The following CSMD2 variants were observed in gnomAD, a reference collection of about 807,000 sequenced individuals.
CSMD2 encodes CUB and Sushi multiple domains 2, also known as CUB and sushi domain-containing protein 2.
In CSMD2, 130 loss-of-function variants were observed where a neutral mutation model predicts 398.5. The ratio of observed to expected loss-of-function variants is 0.33; its 90% CI spans 0.28 to 0.38. The LOEUF is 0.38. Among genes scored for constraint, CSMD2 ranks in the 10% least tolerant of loss-of-function variants. The pLI, the probability that CSMD2 is intolerant of heterozygous loss-of-function variation, is 1.00. For missense variants in CSMD2, 3,829 were observed against 4,764.9 expected (o/e 0.80, Z 5.78); for synonymous variants, 1,828 against 1,908.5 (o/e 0.96, Z 1.10).
chr1:33,861,288 A>T (rs1639480106), intron 5 of CSMD2: 1 of 152,212 alleles, frequency 6.6e-6, no homozygotes, highest in African/African-American at 2.4e-5. Flanking sequence ...CTTGCAGCCT[A>T]TTTTTTAAAA....
At chr1:33,605,622 T>C in intron 41 of CSMD2, 152 bp from the exon 42 acceptor site, 1 of 828,340 alleles carries the variant, frequency 1.2e-6, no homozygotes, top group South Asian at 1.8e-5. Flanking sequence ...TTAACTTGTG[T>C]ACGCCTCAGT....
chr1:33,931,923 G>T (rs1644325701), intron 4 of CSMD2, among the ~76,000 whole-genome samples: 1 of 152,214 alleles, frequency 6.6e-6, no homozygotes, highest in South Asian at 2.1e-4. Flanking sequence ...CCTACAGAGG[G>T]TCAACCTTCA....
chr1:34,155,131 T>A (rs188476656), intron 1 of CSMD2, among the ~76,000 whole-genome samples: 25 of 152,238 alleles, frequency 1.6e-4, no homozygotes, highest in African/African-American at 6.0e-4. Flanking sequence ...AGGCAAACTT[T>A]GTAAATAAGA....
chr1:33,646,547 C>T lies in CSMD2; in HGVS notation c.4774+101G>A, dbSNP rs532605492. The stretch of plus-strand genomic sequence containing the variant: ...CAGTGCTAGGGTTGGTGTGGGCTTG[C>T]TGTGGTCCAGCCCAGGGCTCTCCTC... On this transcript the variant is annotated intron_variant, in intron 29 of 70. Transcript: ENST00000373381. 50 of 1,287,948 alleles carry T rather than the reference C, an allele frequency of 3.9e-5. 1 individual carries two copies. In the South Asian group the frequency reaches 6.8e-4, roughly 18 times the overall value. The allele number at this position is 1,287,948 out of a possible 1,614,324, so 79.8% of individuals were successfully genotyped here. A position where few individuals can be genotyped will look rare whatever the true frequency, so the allele number is the denominator to read the frequency against.
intron 5 of CSMD2, among the ~76,000 whole-genome samples, chr1:33,874,149 T>G (rs765157881): frequency 1.3e-5 from 2 of 152,222 alleles, no homozygotes; most frequent in African/African-American, 4.8e-5. Flanking sequence ...GATCTTGCCT[T>G]ATTCATCACA....
chr1:33,977,721 T>C (rs551813298), intron 3 of CSMD2, among the ~76,000 whole-genome samples: 1 of 152,010 alleles, frequency 6.6e-6, no homozygotes, highest in Admixed American at 6.5e-5. Context: ...CCCTTCCACA[T>C]GCTGACCCTG....
At chr1:33,908,104 A>G (rs998112532) in intron 5 of CSMD2, among the ~76,000 whole-genome samples, 5 of 151,286 alleles carry the variant, frequency 3.3e-5, no homozygotes, top group East Asian at 1.9e-4. Context: ...AAAAAAAAAA[A>G]AAAGAAAAGT....
At chr1:33,813,544 T>C (rs34712452) in intron 9 of CSMD2, among the ~76,000 whole-genome samples, 17,279 of 152,190 alleles carry the variant, frequency 0.11, 1,165 homozygotes, top group East Asian at 0.26. Flanking sequence ...CTGGATCGCT[T>C]TCAGGAGAGA....
intron 33 of CSMD2, among the ~76,000 whole-genome samples, 156 bp downstream of exon 33, chr1:33,626,330 C>G (rs1642126986): frequency 6.6e-6 from 1 of 152,214 alleles, no homozygotes; most frequent in African/African-American, 2.4e-5. Context: ...ATAAAATTAA[C>G]TGGATTTCAG....
chr1:33,927,952 A>G (rs1644183140), intron 4 of CSMD2, among the ~76,000 whole-genome samples: 1 of 152,172 alleles, frequency 6.6e-6, no homozygotes. Flanking sequence ...CCTTTCCCAG[A>G]GGTTTCTCTC....
intron 3 of CSMD2, among the ~76,000 whole-genome samples, chr1:33,971,355 G>T (rs987686437): frequency 6.6e-6 from 1 of 152,180 alleles, no homozygotes; most frequent in Non-Finnish European, 1.5e-5. Flanking sequence ...ATGCATGCCC[G>T]CGACCAATCT....
intron 25 of CSMD2, among the ~76,000 whole-genome samples, chr1:33,679,557 C>T (rs893608288): frequency 1.3e-5 from 2 of 152,140 alleles, no homozygotes; most frequent in Non-Finnish European, 1.5e-5. Context: ...CAATTTACCC[C>T]CGTGTAAAAT....
At chr1:33,935,628 G>T (rs1179612085) in intron 4 of CSMD2, 132 bp downstream of exon 4, 1 of 905,374 alleles carries the variant, frequency 1.1e-6, no homozygotes. Context: ...AACCCTCTGT[G>T]CTGTCCAGAC....
intron 68 of CSMD2, 24 bp downstream of exon 68, chr1:33,521,438 CT>C (rs1365763338): frequency 1.1e-5 from 15 of 1,328,750 alleles, no homozygotes; most frequent in Non-Finnish European, 1.5e-5. Flanking sequence ...CGGGCCCACA[CT>C]TCCGGGGGAC....
At chr1:33,750,145 A>AATTCATATTACT (rs1313654173) in intron 13 of CSMD2, among the ~76,000 whole-genome samples, 2 of 152,216 alleles carry the variant, frequency 1.3e-5, no homozygotes, top group Non-Finnish European at 2.9e-5. Context: ...GGTTGAAAAT[A>AATTCATATTACT]ATTCATATTA....
chr1:33,673,764 C>T (rs955300937), intron 25 of CSMD2, among the ~76,000 whole-genome samples: 41 of 152,178 alleles, frequency 2.7e-4, no homozygotes, highest in African/African-American at 8.4e-4. Flanking sequence ...GCTGACCTCT[C>T]GGCAGAAACT....
chr1:33,714,479 G>A, intron 21 of CSMD2, 108 bp downstream of exon 21: 1 of 1,314,716 alleles, frequency 7.6e-7, no homozygotes, highest in Non-Finnish European at 1.1e-6. Context: ...TGGTAAGTGT[G>A]GGCTAAGTCA....
chr1:33,862,789 G>T (rs952396355), intron 5 of CSMD2: 1 of 152,208 alleles, frequency 6.6e-6, no homozygotes. Flanking sequence ...GCTTAGGTAG[G>T]CCAGCCACCT....
At chr1:33,661,437 G>A (rs1481199055) in intron 26 of CSMD2, among the ~76,000 whole-genome samples, 1 of 152,090 alleles carries the variant, frequency 6.6e-6, no homozygotes, top group Non-Finnish European at 1.5e-5. Flanking sequence ...GAATATGTTT[G>A]GAAATTGTGG....
Sources: gnomAD v4.1 joint callset for allele counts (sites outside exome capture counted in the v4.1 genomes callset) on GRCh38, gnomAD v4.1.1 for gene constraint, MANE v1.5 for transcripts, NCBI Gene and HGNC (gene_info 2026-07-23, HGNC 2026-07-21) for gene names.